SNTG2: variants seen among roughly 807,000 people sequenced by gnomAD.
The protein encoded by SNTG2 is syntrophin gamma 2.
SNTG2 carries 74 observed loss-of-function variants against 70.9 expected under a neutral mutation model. That is an observed-to-expected ratio of 1.04 (90% CI 0.86 to 1.27). The LOEUF (loss-of-function observed/expected upper bound fraction) is 1.27. SNTG2 is among the 50% of genes most tolerant of loss of function. The pLI is 0.00. For missense variants in SNTG2, 717 were observed against 690.7 expected, an observed-to-expected ratio of 1.04 and a Z score of -0.43; for synonymous variants, 278 against 273.8, an observed-to-expected ratio of 1.02 and a Z score of -0.15.
At chr2:1,283,963 T>C (rs1679663600) in intron 14 of SNTG2, among the ~76,000 whole-genome samples, 1 of 152,170 alleles carries the variant, frequency 6.6e-6, no homozygotes. Context: ...GTTTGACAGC[T>C]TTAAACTGAG....
intron 1 of SNTG2, among the ~76,000 whole-genome samples, chr2:989,667 A>G (rs532084211): frequency 6.6e-6 from 1 of 152,196 alleles, no homozygotes; most frequent in East Asian, 1.9e-4. Context: ...CTCTCATAAT[A>G]TATTTGCTTT....
intron 6 of SNTG2, among the ~76,000 whole-genome samples, chr2:1,156,052 G>T (rs1669874512): frequency 6.6e-6 from 1 of 152,128 alleles, no homozygotes; most frequent in African/African-American, 2.4e-5. Flanking sequence ...AGAGACCAAG[G>T]GGTAGATGGA....
chr2:962,198 C>T (rs983490904), intron 1 of SNTG2, among the ~76,000 whole-genome samples: 2 of 152,314 alleles, frequency 1.3e-5, no homozygotes, highest in Admixed American at 6.5e-5. Flanking sequence ...CCCAGCCTCC[C>T]GAGTAGCTGG....
chr2:1,235,102 C>A (rs553233323), intron 9 of SNTG2, among the ~76,000 whole-genome samples: 1 of 151,948 alleles, frequency 6.6e-6, no homozygotes, highest in Non-Finnish European at 1.5e-5. Flanking sequence ...AGAGGGGGGA[C>A]CCCTGCCCCC....
intron 8 of SNTG2, among the ~76,000 whole-genome samples, chr2:1,205,765 C>G (rs1001629241): frequency 4.6e-5 from 7 of 152,104 alleles, no homozygotes; most frequent in African/African-American, 1.7e-4. Flanking sequence ...TCTTCTAATT[C>G]TTGTATACAT....
chr2:1,180,371 G>GA (rs1190791089), intron 8 of SNTG2, among the ~76,000 whole-genome samples: 2 of 119,802 alleles, frequency 1.7e-5, no homozygotes, highest in African/African-American at 6.0e-5. Flanking sequence ...AAATTTACAA[G>GA]AAAAAAACAA....
intron 14 of SNTG2, among the ~76,000 whole-genome samples, chr2:1,307,956 G>A (rs1324957486): frequency 6.6e-6 from 1 of 152,210 alleles, no homozygotes. Flanking sequence ...TTCTCGCACC[G>A]TGTGACCGAT....
At chr2:991,663 T>C (rs747377481) in intron 1 of SNTG2, among the ~76,000 whole-genome samples, 1 of 152,160 alleles carries the variant, frequency 6.6e-6, no homozygotes, top group Non-Finnish European at 1.5e-5. Flanking sequence ...AAGACAACAC[T>C]GTCCGCAGTA....
At chr2:1,336,723 C>T (rs1031365683) in intron 16 of SNTG2, among the ~76,000 whole-genome samples, 9 of 152,072 alleles carry the variant, frequency 5.9e-5, no homozygotes, top group Admixed American at 5.2e-4. Context: ...ACTATCTTTT[C>T]CCCGTTGTGT....
intron 8 of SNTG2, among the ~76,000 whole-genome samples, chr2:1,200,726 A>T (rs549659705): frequency 6.6e-6 from 1 of 152,100 alleles, no homozygotes; most frequent in Non-Finnish European, 1.5e-5. Flanking sequence ...CTGAATAGAA[A>T]ATTCTCAAAA....
intron 12 of SNTG2, among the ~76,000 whole-genome samples, chr2:1,248,823 T>TC (rs1393692253): frequency 6.6e-6 from 1 of 152,190 alleles, no homozygotes; most frequent in African/African-American, 2.4e-5. Context: ...CCCATATCAC[T>TC]CCATGTGTTA....
chr2:1,244,559 G>A (rs972119995), intron 11 of SNTG2, among the ~76,000 whole-genome samples: 61 of 152,088 alleles, frequency 4.0e-4, no homozygotes, highest in African/African-American at 1.4e-3. Flanking sequence ...AGCAGGGCGT[G>A]GTGGCGGGCG....
At chr2:958,216 T>C (rs1660236371) in intron 1 of SNTG2, among the ~76,000 whole-genome samples, 1 of 152,140 alleles carries the variant, frequency 6.6e-6, no homozygotes, top group African/African-American at 2.4e-5. Flanking sequence ...GTGCAAAGGC[T>C]GAGAAATGGC....
intron 9 of SNTG2, among the ~76,000 whole-genome samples, chr2:1,226,872 C>T (rs1187712618): frequency 6.6e-6 from 1 of 152,220 alleles, no homozygotes; most frequent in Non-Finnish European, 1.5e-5. Context: ...ACAGTAACTT[C>T]ACTCATTATG....
chr2:1,080,770 G>A (rs1338902364), intron 1 of SNTG2, among the ~76,000 whole-genome samples: 2 of 152,144 alleles, frequency 1.3e-5, no homozygotes, highest in African/African-American at 4.8e-5. Flanking sequence ...TATAGGATGT[G>A]GGAGGGGAGG....
rs116668915 is a variant in SNTG2, at chr2:1,256,311, C to T, written c.1006-3059C>T. ...TGGTGCATGACTGTATAGACACACA[C>T]GCACACACATTTGTATATGCATACA... is the stretch of plus-strand genomic sequence containing the variant. On this transcript the variant is annotated intron_variant, in intron 12 of 16. Transcript: ENST00000308624. 1,216 of 152,194 alleles carry T rather than the reference C, an allele frequency of 8.0e-3. 11 individuals are homozygous for T. Among genetic ancestry groups the T allele is most frequent in the Non-Finnish European group, 0.01 (689 of 68,020 alleles). The allele number at this position is 152,194 out of a possible 1,614,324, so 9.4% of individuals were successfully genotyped here. A position where few individuals can be genotyped will look rare whatever the true frequency, so the allele number is the denominator to read the frequency against.
intron 1 of SNTG2, among the ~76,000 whole-genome samples, chr2:1,073,951 TAA>T (rs1663747828): frequency 6.6e-6 from 1 of 152,240 alleles, no homozygotes; most frequent in African/African-American, 2.4e-5. Flanking sequence ...ATGGTGTCTA[TAA>T]AACCTATTTT....
intron 1 of SNTG2, among the ~76,000 whole-genome samples, chr2:980,361 G>C (rs1271001404): frequency 6.6e-6 from 1 of 152,142 alleles, no homozygotes; most frequent in East Asian, 1.9e-4. Flanking sequence ...AGCTGATGAT[G>C]AATAATTCAT....
In SNTG2 at chr2:1,252,119, C is replaced by CCG. The variant is rs887845693; in HGVS notation, c.1005+4677_1005+4678dup. ...TCCCGATGCTGTGAGGCTGCAGGAA[C>CCG]CGTGAGTTGATCTAACTGGATCCTT... On this transcript the variant is annotated intron_variant, in intron 12 of 16. Transcript: ENST00000308624. Among the ~76,000 whole-genome samples, 7 of 152,192 alleles carry CCG rather than the reference C, an allele frequency of 4.6e-5. No individual in the cohort carries two copies. The East Asian group carries it at 5.8e-4, about 13-fold the overall frequency.
Sources: allele counts gnomAD v4.1 joint callset (sites outside exome capture counted in the v4.1 genomes callset), GRCh38; gene constraint gnomAD v4.1.1; transcripts MANE v1.5; gene names NCBI Gene and HGNC (gene_info 2026-07-23, HGNC 2026-07-21).